CRTC1: variants seen among roughly 807,000 people sequenced by gnomAD.
CRTC1 encodes the protein CREB regulated transcription coactivator 1.
A neutral mutation model predicts 66.1 loss-of-function variants in CRTC1; 18 were observed. The observed-to-expected ratio is 0.27, with a 90% CI of 0.19 to 0.40. The LOEUF is 0.40. Ranked by LOEUF, CRTC1 falls within the 10% of genes least tolerant of loss-of-function variation. The pLI, the probability that CRTC1 is intolerant of heterozygous loss-of-function variation, is 1.00. For synonymous variants in CRTC1, 416 were observed against 398.8 expected (o/e 1.04, Z -0.51); for missense variants, 669 against 887.9 (o/e 0.75, Z 3.13).
chr19:18,694,779 A>C (rs1042298547), intron 1 of CRTC1, among the ~76,000 whole-genome samples: 1 of 152,170 alleles, frequency 6.6e-6, no homozygotes, highest in African/African-American at 2.4e-5. Flanking sequence ...TCTGGGACTC[A>C]CACACAGTTT....
chr19:18,716,175 T>G, intron 1 of CRTC1, among the ~76,000 whole-genome samples: 1 of 151,726 alleles, frequency 6.6e-6, no homozygotes, highest in Non-Finnish European at 1.5e-5. Flanking sequence ...CCACCCTTGT[T>G]GGGGGCTGTG....
chr19:18,707,581 G>T (rs1405242117), intron 1 of CRTC1, among the ~76,000 whole-genome samples: 1 of 152,122 alleles, frequency 6.6e-6, no homozygotes, highest in Non-Finnish European at 1.5e-5. Context: ...GTCTATTTCA[G>T]ATTCCTTGAG....
At position 18,777,393 on chromosome 19, in the gene CRTC1, C is replaced by G. The variant is rs748808177; in HGVS notation, c.*11C>G. On this transcript the variant is annotated 3_prime_UTR_variant, in exon 14 of 14. Coordinates refer to ENST00000321949, the MANE Select transcript of CRTC1 (RefSeq NM_015321.3). This position sits in a 1 kb window ranked among gnomAD's most constrained non-coding sequence, Gnocchi z 5.5. ...ATGGACCGCCTGTGAGCGGGCACGC[C>G]GGCACCCTGCCGCTCAGCCGTCCCG... is the stretch of plus-strand genomic sequence containing the variant. The G allele has an allele frequency of 6.3e-7, 1 of 1,599,482 alleles. No homozygotes were observed. Among genetic ancestry groups the G allele is most frequent in the African/African-American group, 1.3e-5 (1 of 74,886 alleles).
chr19:18,779,928 G>A lies in CRTC1; in HGVS notation c.*2546G>A, dbSNP rs117028758. 8.2e-3 allele frequency: 1,881 copies of A among 229,060 alleles called. 13 individuals are homozygous for A. The highest frequency in any genetic ancestry group is 0.013 in the Non-Finnish European group (1,452 of 115,454). 14.2% of individuals were successfully genotyped at this position (229,060 alleles called of 1,614,324 possible). On this transcript the variant is annotated 3_prime_UTR_variant, in exon 14 of 14. Coordinates refer to ENST00000321949, the MANE Select transcript of CRTC1 (RefSeq NM_015321.3). ...GTCCCTGTGTTCCAGAAGGATTCAC[G>A]CCCCTCCTGGACCTGGGCGGGCCTC...
intron 1 of CRTC1, among the ~76,000 whole-genome samples, chr19:18,726,880 C>T (rs1288171885): frequency 3.5e-5 from 5 of 144,088 alleles, no homozygotes; most frequent in Admixed American, 7.3e-5. Context: ...GAGCCGAGAT[C>T]GTGCCACTGC....
At chr19:18,773,467 CT>C (rs1049807538) in intron 11 of CRTC1, among the ~76,000 whole-genome samples, 1 of 152,138 alleles carries the variant, frequency 6.6e-6, no homozygotes, top group African/African-American at 2.4e-5. Flanking sequence ...TATGCCAGGC[CT>C]TTTTGAGCCC....
chr19:18,770,174 C>A (rs1369862724), intron 10 of CRTC1, among the ~76,000 whole-genome samples: 1 of 152,222 alleles, frequency 6.6e-6, no homozygotes, highest in African/African-American at 2.4e-5. Flanking sequence ...TCTGCAGGCA[C>A]ACAGCATGGC....
rs2054251208 is a variant in CRTC1, at chr19:18,746,881, G to A, written c.382-172G>A. 3.9e-5 allele frequency among the ~76,000 whole-genome samples: 6 copies of A among 152,294 alleles called. No homozygotes were observed. In the South Asian group the frequency reaches 1.2e-3, roughly 32 times the overall value. ...AGAGCCCCTGGAACGGGGGCTGCTT[G>A]TAGCCAGGCAGGAAAGGCCGGCAGG... On this transcript the variant is annotated intron_variant, in intron 3 of 13. Coordinates refer to ENST00000321949, the MANE Select transcript of CRTC1 (RefSeq NM_015321.3).
At position 18,712,373 on chromosome 19, in the gene CRTC1, C is replaced by G. The variant is rs1421884224; in HGVS notation, c.126+28545C>G. ...TCCCGGGTTTAAGTGATTCTCCCAC[C>G]TCAGCCTTCCTGGTAGTGAGATTAC... On this transcript the variant is annotated intron_variant, in intron 1 of 13. Transcript: ENST00000321949. 2.0e-5 allele frequency among the ~76,000 whole-genome samples: 3 copies of G among 152,132 alleles called. No individual in the cohort carries two copies. In the East Asian group the frequency reaches 5.8e-4, roughly 29 times the overall value.
intron 1 of CRTC1, among the ~76,000 whole-genome samples, chr19:18,738,889 C>T (rs2054054524): frequency 6.6e-6 from 1 of 152,178 alleles, no homozygotes; most frequent in Admixed American, 6.5e-5. Flanking sequence ...TTGGGGATGC[C>T]CCTCTAAGGA....
At chr19:18,774,374 C>G (rs1400755148) in intron 11 of CRTC1, among the ~76,000 whole-genome samples, 1 of 150,988 alleles carries the variant, frequency 6.6e-6, no homozygotes, top group Non-Finnish European at 1.5e-5. Flanking sequence ...GGCTGGCAGC[C>G]CTGGGCAGGG....
intron 1 of CRTC1, among the ~76,000 whole-genome samples, chr19:18,727,788 C>T (rs2053795712): frequency 6.6e-6 from 1 of 151,940 alleles, no homozygotes; most frequent in South Asian, 2.1e-4. Flanking sequence ...GTGGCACAAT[C>T]TTGGCTCACT....
intron 5 of CRTC1, among the ~76,000 whole-genome samples, chr19:18,752,024 C>T (rs2054374061): frequency 6.6e-6 from 1 of 151,662 alleles, no homozygotes; most frequent in African/African-American, 2.4e-5. Context: ...ATTAGCTGGG[C>T]TTGGTGGCAC....
intron 3 of CRTC1, 60 bp downstream of exon 3, chr19:18,746,020 C>G (rs1290574629): frequency 3.9e-6 from 6 of 1,544,428 alleles, no homozygotes; most frequent in Non-Finnish European, 3.5e-6. Flanking sequence ...CGGCAGGACC[C>G]CAAGTTTACC....
chr19:18,704,167 C>T (rs11671780), intron 1 of CRTC1, among the ~76,000 whole-genome samples: 19,540 of 151,944 alleles, frequency 0.13, 1,376 homozygotes, highest in Non-Finnish European at 0.15. Context: ...CTGTGTTGCC[C>T]AGGTTGGAGT....
At chr19:18,729,423 C>T (rs1348690934) in intron 1 of CRTC1, among the ~76,000 whole-genome samples, 1 of 140,522 alleles carries the variant, frequency 7.1e-6, no homozygotes, top group Admixed American at 7.2e-5. Flanking sequence ...GAGACTCCGT[C>T]TCAAAAAAAA....
rs139983025 is a variant in CRTC1, at chr19:18,688,691, G to A, written c.126+4863G>A. Among the ~76,000 whole-genome samples, 603 of 152,188 alleles carry A rather than the reference G, an allele frequency of 4.0e-3. 5 individuals carry two copies. The highest frequency in any genetic ancestry group is 5.4e-3 in the Non-Finnish European group (366 of 68,018). ...GACCTCAGGTGATCCGCCCACCTCGGCCTCTCGGAATGCTGGGATTACAGG... is the reference window on the plus strand; with the variant it reads ...GACCTCAGGTGATCCGCCCACCTCGACCTCTCGGAATGCTGGGATTACAGG... On this transcript the variant is annotated intron_variant, in intron 1 of 13. Coordinates refer to ENST00000321949, the MANE Select transcript of CRTC1 (RefSeq NM_015321.3).
chr19:18,691,359 A>T (rs371328559), intron 1 of CRTC1, among the ~76,000 whole-genome samples: 3 of 151,750 alleles, frequency 2.0e-5, no homozygotes, highest in African/African-American at 7.3e-5. Context: ...CTACGAAAAA[A>T]AATTGTTTTT....
Position 18,780,329 on chromosome 19 carries a change from T to C in CRTC1, c.*2947T>C. The C allele has an allele frequency of 4.3e-6, 1 of 231,918 alleles. No homozygotes were observed. Among genetic ancestry groups the C allele is most frequent in the Non-Finnish European group, 8.5e-6 (1 of 117,262 alleles). 14.4% of individuals were successfully genotyped at this position (231,918 alleles called of 1,614,324 possible). A position where few individuals can be genotyped will look rare whatever the true frequency, so the allele number is the denominator to read the frequency against. ...GGCTCTCCCTCCTGAGAGCATGGCG[T>C]CCCCACCTTCCTGTTTCGCCGACGT... On this transcript the variant is annotated 3_prime_UTR_variant, in exon 14 of 14. Coordinates refer to ENST00000321949, the MANE Select transcript of CRTC1 (RefSeq NM_015321.3).
Sources: gnomAD v4.1 joint callset for allele counts (sites outside exome capture counted in the v4.1 genomes callset) on GRCh38, gnomAD v4.1.1 for gene constraint, Gnocchi (gnomAD v3.1) non-coding constraint, MANE v1.5 for transcripts, NCBI Gene and HGNC (gene_info 2026-07-23, HGNC 2026-07-21) for gene names.